ORAI2: variants seen among roughly 807,000 people sequenced by gnomAD.
The protein encoded by ORAI2 is ORAI calcium release-activated calcium modulator 2.
ORAI2 carries 10 observed loss-of-function variants against 16.2 expected under a neutral mutation model. That is an observed-to-expected ratio of 0.62 (90% CI 0.38 to 1.04). ORAI2 has a LOEUF of 1.04. Among genes scored for constraint, ORAI2 ranks in the 50% least tolerant of loss-of-function variants. The probability of loss-of-function intolerance (pLI) is 0.01; values close to 1 mark genes in which losing one functional copy is unlikely to be tolerated. For synonymous variants in ORAI2, 150 were observed against 157.5 expected (o/e 0.95, Z 0.35); for missense variants, 238 against 355.5 (o/e 0.67, Z 2.66).
rs1012472720 is a variant in ORAI2 at position 102,448,356 on chromosome 7, C to T, written c.*1304C>T. 4.6e-5 allele frequency: 7 copies of T among 152,306 alleles called. No homozygotes were observed. Among genetic ancestry groups the T allele is most frequent in the African/African-American group, 1.7e-4 (7 of 41,468 alleles). The allele number at this position is 152,306 out of a possible 1,614,324, so 9.4% of individuals were successfully genotyped here. On this transcript the variant is annotated 3_prime_UTR_variant, in exon 4 of 4. Coordinates refer to ENST00000495936, the MANE Select transcript of ORAI2 (RefSeq NM_001126340.3). ...GCTGCTTGTACAACCAAACACCTTT[C>T]CCCTCTTCTCCAGCTGTAACCTGGA...
rs1030714277 is a variant in ORAI2, at chr7:102,449,869, A to G, written c.*2817A>G. 2.0e-5 allele frequency: 3 copies of G among 152,278 alleles called. No homozygotes were observed. Among genetic ancestry groups the G allele is most frequent in the African/African-American group, 7.2e-5 (3 of 41,438 alleles). 9.4% of individuals were successfully genotyped at this position (152,278 alleles called of 1,614,324 possible). ...CCGGGCGCAGTGGCTCACGCCTATA[A>G]TCCCAGCACTTTGGGAGGCCAAAGC... On this transcript the variant is annotated 3_prime_UTR_variant, in exon 4 of 4. Coordinates refer to ENST00000495936, the MANE Select transcript of ORAI2 (RefSeq NM_001126340.3).
chr7:102,451,651 G>C lies in ORAI2; in HGVS notation c.*4599G>C, dbSNP rs1797522313. The C allele has an allele frequency of 6.6e-6, 1 of 152,288 alleles. No individual in the cohort carries two copies. Among genetic ancestry groups the C allele is most frequent in the African/African-American group, 2.4e-5 (1 of 41,466 alleles). 9.4% of individuals were successfully genotyped at this position (152,288 alleles called of 1,614,324 possible). A position where few individuals can be genotyped will look rare whatever the true frequency, so the allele number is the denominator to read the frequency against. On this transcript the variant is annotated 3_prime_UTR_variant, in exon 4 of 4. Coordinates refer to ENST00000495936, the MANE Select transcript of ORAI2 (RefSeq NM_001126340.3). ...TCTTGGGGGATGCTGTGGGCAGAGGGGATAAATTGCAGCCCCTGGCCCTCC... is the reference window on the plus strand; with the variant it reads ...TCTTGGGGGATGCTGTGGGCAGAGGCGATAAATTGCAGCCCCTGGCCCTCC...
intron 3 of ORAI2, among the ~76,000 whole-genome samples, chr7:102,444,385 T>C (rs1037521553): frequency 3.3e-5 from 5 of 152,118 alleles, no homozygotes; most frequent in African/African-American, 9.6e-5. Flanking sequence ...CCCAAGTAGC[T>C]GGGATTACAG....
At chr7:102,443,895 T>G (rs10269964) in intron 3 of ORAI2, among the ~76,000 whole-genome samples, 1 of 151,700 alleles carries the variant, frequency 6.6e-6, no homozygotes, top group African/African-American at 2.4e-5. Context: ...TTAGTAGAGA[T>G]GGGGTTTTAC....
intron 3 of ORAI2, among the ~76,000 whole-genome samples, chr7:102,446,073 C>T (rs1364905282): frequency 2.6e-5 from 4 of 152,022 alleles, no homozygotes; most frequent in African/African-American, 4.8e-5. Flanking sequence ...CTCAGCCTCC[C>T]GAGTAGCTGG....
At position 102,436,228 on chromosome 7, in the gene ORAI2, A is replaced by C; in HGVS notation, c.-119A>C. ...GTTTCTCTGAATTCTCCCCAAGGGA[A>C]GGAACGTCCCAGGGATGGAAGTGCT... is the stretch of plus-strand genomic sequence containing the variant. On this transcript the variant is annotated 5_prime_UTR_variant, in exon 2 of 4. Coordinates refer to ENST00000495936, the MANE Select transcript of ORAI2 (RefSeq NM_001126340.3). 2 of 778,348 alleles carry C rather than the reference A, an allele frequency of 2.6e-6. No individual in the cohort carries two copies. The highest frequency in any genetic ancestry group is 3.1e-6 in the Non-Finnish European group (2 of 640,616). The allele number at this position is 778,348 out of a possible 1,614,324, so 48.2% of individuals were successfully genotyped here.
chr7:102,439,274 A>G, intron 3 of ORAI2, 93 bp downstream of exon 3: 4 of 1,035,272 alleles, frequency 3.9e-6, no homozygotes, highest in South Asian at 2.8e-5. Context: ...CCTTCCCTCC[A>G]GTCTCTGGCA....
chr7:102,441,049 C>T (rs1319168494), intron 3 of ORAI2, among the ~76,000 whole-genome samples: 3 of 151,814 alleles, frequency 2.0e-5, no homozygotes, highest in Non-Finnish European at 4.4e-5. Flanking sequence ...CACATCACCA[C>T]GCCCAGCTAA....
rs758973216 is a variant in ORAI2, at chr7:102,446,728, G to A, written c.441G>A (p.Glu147=). 1.2e-6 allele frequency: 2 copies of A among 1,614,050 alleles called. No homozygotes were observed. The highest frequency in any genetic ancestry group is 2.7e-5 in the African/African-American group (2 of 74,930). Residue 147 remains glutamate, a synonymous_variant, in exon 4 of 4, where the codon GAG becomes GAA. Coordinates refer to ENST00000495936, the MANE Select transcript of ORAI2 (RefSeq NM_001126340.3). The part of the protein sequence containing the change: ...SPHERMHPYI[E]LAWGFSTVLG... ...ATGAGCGCATGCACCCCTACATCGA[G>A]CTGGCCTGGGGCTTCTCCACCGTGC...
rs910738875 is a variant in ORAI2 at position 102,451,784 on chromosome 7, G to C, written c.*4732G>C. On this transcript the variant is annotated 3_prime_UTR_variant, in exon 4 of 4. Transcript: ENST00000495936. The stretch of plus-strand genomic sequence containing the variant: ...GGCCAGTGTCCTCCCAGGCTGCCCC[G>C]GCAAGGGGGCGTGGACATCTCTAGA... The C allele has an allele frequency of 3.9e-5, 6 of 152,258 alleles. No homozygotes were observed. The highest frequency in any genetic ancestry group is 3.9e-4 in the Admixed American group (6 of 15,284). The allele number at this position is 152,258 out of a possible 1,614,324, so 9.4% of individuals were successfully genotyped here.
intron 1 of ORAI2, among the ~76,000 whole-genome samples, chr7:102,434,121 CAAAAAAAAAAAA>C (rs55642836): frequency 3.0e-5 from 2 of 67,006 alleles, no homozygotes; most frequent in African/African-American, 5.6e-5. Flanking sequence ...CTCATTAAAG[CAAAAAAAAAAAA>C]AAAAAAAAAA....
At chr7:102,442,460 G>A (rs1455722601) in intron 3 of ORAI2, among the ~76,000 whole-genome samples, 8 of 152,084 alleles carry the variant, frequency 5.3e-5, no homozygotes, top group South Asian at 4.1e-4. Flanking sequence ...AGGCCGAGGC[G>A]GGCAGATCAC....
chr7:102,436,804 G>A (rs942884457), intron 2 of ORAI2, among the ~76,000 whole-genome samples: 5 of 152,114 alleles, frequency 3.3e-5, no homozygotes, highest in Non-Finnish European at 7.4e-5. Context: ...TCCGCCTTCT[G>A]GGTTCAAGCG....
intron 3 of ORAI2, among the ~76,000 whole-genome samples, chr7:102,445,942 T>A (rs60916095): frequency 0.019 from 2,918 of 151,594 alleles, 101 homozygotes; most frequent in African/African-American, 0.067. Context: ...TTTCTTTCTT[T>A]AACTTTCGTG....
chr7:102,448,217 A>C lies in ORAI2; in HGVS notation c.*1165A>C, dbSNP rs1239348045. 4 of 152,390 alleles carry C rather than the reference A, an allele frequency of 2.6e-5. No homozygotes were observed. The highest frequency in any genetic ancestry group is 5.9e-5 in the Non-Finnish European group (4 of 68,140). 9.4% of individuals were successfully genotyped at this position (152,390 alleles called of 1,614,324 possible). A position where few individuals can be genotyped will look rare whatever the true frequency, so the allele number is the denominator to read the frequency against. Reference sequence around the variant, plus strand: ...CTCAGCCGACACTGGGTCCCACCACACACAGTGACTGTGCCGTGCAGTGCA... The same window carrying C: ...CTCAGCCGACACTGGGTCCCACCACCCACAGTGACTGTGCCGTGCAGTGCA... On this transcript the variant is annotated 3_prime_UTR_variant, in exon 4 of 4. Transcript: ENST00000495936.
At chr7:102,436,400 C>T (rs1797059540) in intron 2 of ORAI2, 67 bp downstream of exon 2, 1 of 947,244 alleles carries the variant, frequency 1.1e-6, no homozygotes, top group African/African-American at 1.8e-5. Flanking sequence ...CCAGGGAAGG[C>T]TGTGGCTTTG....
chr7:102,445,873 T>TTCTTTCTCTCTCTTTCTTTCTCTCTTTC (rs1298682160), intron 3 of ORAI2, among the ~76,000 whole-genome samples: 2 of 150,658 alleles, frequency 1.3e-5, no homozygotes, highest in Non-Finnish European at 3.0e-5. Context: ...TCTTTTTCTT[T>TTCTTTCTCTCTCTTTCTTTCTCTCTTTC]TCTTTCTCTC....
chr7:102,441,560 A>G (rs1797201981), intron 3 of ORAI2, among the ~76,000 whole-genome samples: 1 of 151,686 alleles, frequency 6.6e-6, no homozygotes, highest in Admixed American at 6.6e-5. Flanking sequence ...AAAGAAAAAA[A>G]AAAAACCAGA....
chr7:102,445,989 C>T (rs1797350776), intron 3 of ORAI2, among the ~76,000 whole-genome samples: 1 of 151,860 alleles, frequency 6.6e-6, no homozygotes, highest in Non-Finnish European at 1.5e-5. Flanking sequence ...CACTGTGTCA[C>T]CCAGGCTGGA....
Sources: gnomAD v4.1 joint callset for allele counts (sites outside exome capture counted in the v4.1 genomes callset) on GRCh38, gnomAD v4.1.1 for gene constraint, MANE v1.5 for transcripts, NCBI Gene and HGNC (gene_info 2026-07-23, HGNC 2026-07-21) for gene names.